Variants in TNKS observed in about 807,000 individuals in gnomAD.
TNKS encodes the protein tankyrase.
A neutral mutation model predicts 135.8 loss-of-function variants in TNKS; 72 were observed. That is an observed-to-expected ratio of 0.53 (90% CI 0.44 to 0.64). The LOEUF (loss-of-function observed/expected upper bound fraction) is 0.64. TNKS is among the 30% of genes least tolerant of loss of function. The probability of loss-of-function intolerance (pLI) is 0.00; values close to 1 mark genes in which losing one functional copy is unlikely to be tolerated. For missense variants in TNKS, 1,769 were observed against 1,674.0 expected (o/e 1.06, Z -0.99); for synonymous variants, 849 against 649.3 (o/e 1.31, Z -4.68).
intron 2 of TNKS, among the ~76,000 whole-genome samples, chr8:9,611,712 T>G (rs1799471089): frequency 6.6e-6 from 1 of 152,190 alleles, no homozygotes; most frequent in African/African-American, 2.4e-5. Flanking sequence ...TAGAAAATAG[T>G]CCCACATAAA....
rs1277211435 is a variant in TNKS, at chr8:9,655,243, G to A, written c.995-24708G>A. ...CTTGAGTAGGTAAACAAAGCAGCCC[G>A]GAAACTCGAACTGGGTGGAGCCCAC... On this transcript the variant is annotated intron_variant, in intron 3 of 26. Transcript: ENST00000310430. Among the ~76,000 whole-genome samples, 6 of 152,314 alleles carry A rather than the reference G, an allele frequency of 3.9e-5. No homozygotes were observed. In the East Asian group the frequency reaches 5.8e-4, roughly 15 times the overall value.
intron 3 of TNKS, among the ~76,000 whole-genome samples, chr8:9,660,372 C>G (rs539172298): frequency 1.8e-4 from 28 of 152,252 alleles, no homozygotes; most frequent in Admixed American, 3.9e-4. Context: ...AGCAACACAT[C>G]AAAAAGCTTA....
intron 1 of TNKS, among the ~76,000 whole-genome samples, chr8:9,579,206 C>A (rs1480807172): frequency 6.6e-6 from 1 of 152,114 alleles, no homozygotes; most frequent in Non-Finnish European, 1.5e-5. Context: ...TATTCCCACT[C>A]ATTTGCCATA....
chr8:9,615,756 T>TG (rs1484914399), intron 3 of TNKS, 79 bp downstream of exon 3: 1 of 1,209,134 alleles, frequency 8.3e-7, no homozygotes, highest in African/African-American at 1.5e-5. Flanking sequence ...TTATGCTGAA[T>TG]TTTTCTTTTC....
At chr8:9,569,153 C>G (rs58946539) in intron 1 of TNKS, among the ~76,000 whole-genome samples, 5,942 of 152,248 alleles carry the variant, frequency 0.039, 284 homozygotes, top group African/African-American at 0.12. Context: ...TCCTTGAAAG[C>G]TCAGATTTTA....
At chr8:9,739,008 T>C (rs1403357232) in intron 17 of TNKS, among the ~76,000 whole-genome samples, 1 of 151,936 alleles carries the variant, frequency 6.6e-6, no homozygotes, top group African/African-American at 2.4e-5. Context: ...GGACTTCATG[T>C]CCAAAACACC....
chr8:9,608,599 C>G lies in TNKS; in HGVS notation c.899-6983C>G, dbSNP rs915321765. ...GGGGTTTTGTCCTGCACAGGTACAG[C>G]CCAGCCCAGCCATGTGATCCCTGGG... is the stretch of plus-strand genomic sequence containing the variant. On this transcript the variant is annotated intron_variant, in intron 2 of 26. Coordinates refer to ENST00000310430, the MANE Select transcript of TNKS (RefSeq NM_003747.3). 5.3e-5 allele frequency among the ~76,000 whole-genome samples: 8 copies of G among 152,156 alleles called. 1 individual carries two copies. The highest frequency in any genetic ancestry group is 5.2e-4 in the Admixed American group (8 of 15,272).
At chr8:9,648,024 A>G (rs1454691504) in intron 3 of TNKS, among the ~76,000 whole-genome samples, 3 of 152,174 alleles carry the variant, frequency 2.0e-5, no homozygotes, top group Admixed American at 6.5e-5. Context: ...CAGTAAAAAT[A>G]TGGTATAAAA....
intron 1 of TNKS, among the ~76,000 whole-genome samples, chr8:9,568,315 T>C (rs1797627148): frequency 6.6e-6 from 1 of 152,184 alleles, no homozygotes; most frequent in African/African-American, 2.4e-5. Context: ...TCGAGAAATA[T>C]GAGCAAGATT....
intron 2 of TNKS, among the ~76,000 whole-genome samples, chr8:9,605,218 T>C (rs972163600): frequency 2.6e-5 from 4 of 152,040 alleles, no homozygotes; most frequent in African/African-American, 9.7e-5. Flanking sequence ...AATGATCTAT[T>C]TTCTGACATT....
At chr8:9,753,605 T>A (rs1806665606) in intron 20 of TNKS, among the ~76,000 whole-genome samples, 1 of 152,224 alleles carries the variant, frequency 6.6e-6, no homozygotes, top group Non-Finnish European at 1.5e-5. Context: ...TATTGAATGA[T>A]GGTAACTCCT....
Position 9,733,977 on chromosome 8 carries a change from A to G in TNKS, c.2313+533A>G, listed in dbSNP as rs571305034. On this transcript the variant is annotated intron_variant, in intron 15 of 26. Coordinates refer to ENST00000310430, the MANE Select transcript of TNKS (RefSeq NM_003747.3). ...AGTTATATGAAACTAACTATAATTT[A>G]TGCTCACTTAAAGTATATTTTTAAA... Among the ~76,000 whole-genome samples, 7 of 152,196 alleles carry G rather than the reference A, an allele frequency of 4.6e-5. No homozygotes were observed. The South Asian group carries it at 1.2e-3, about 27-fold the overall frequency.
intron 3 of TNKS, among the ~76,000 whole-genome samples, chr8:9,669,830 T>C (rs1554465728): frequency 6.6e-6 from 1 of 150,526 alleles, no homozygotes; most frequent in Non-Finnish European, 1.5e-5. Flanking sequence ...CGCAATTTGG[T>C]CAGGAAGAGT....
chr8:9,612,780 A>T (rs929820380), intron 2 of TNKS, among the ~76,000 whole-genome samples: 3 of 152,176 alleles, frequency 2.0e-5, no homozygotes. Flanking sequence ...ATTCGAATGT[A>T]ACTTTCTCCC....
At chr8:9,689,476 GTT>G (rs945368911) in intron 5 of TNKS, among the ~76,000 whole-genome samples, 4 of 151,140 alleles carry the variant, frequency 2.6e-5, no homozygotes, top group African/African-American at 9.7e-5. Flanking sequence ...AATATAAAAT[GTT>G]TTATATTTTG....
chr8:9,657,887 G>A (rs1801487235), intron 3 of TNKS, among the ~76,000 whole-genome samples: 3 of 137,300 alleles, frequency 2.2e-5, no homozygotes, highest in Admixed American at 7.0e-5. Flanking sequence ...TCTCAGACGG[G>A]GTGGTTGCCA....
At chr8:9,745,344 G>C (rs1431257444) in intron 17 of TNKS, among the ~76,000 whole-genome samples, 3 of 152,124 alleles carry the variant, frequency 2.0e-5, no homozygotes, top group Non-Finnish European at 4.4e-5. Flanking sequence ...AAAACATCCT[G>C]TTCTGAGAAG....
Position 9,720,499 on chromosome 8 carries a change from C to T in TNKS, c.1875C>T (p.Phe625=). 1 of 1,614,112 alleles carries T rather than the reference C, an allele frequency of 6.2e-7. No homozygotes were observed. Among genetic ancestry groups the T allele is most frequent in the Non-Finnish European group, 8.5e-7 (1 of 1,179,986 alleles). ...CCTCCATCATCTCCTTACAAGGCTT[C>T]ACAGCAGCACAGATGGGCAATGAAG... is the stretch of plus-strand genomic sequence containing the variant. ...SDPSIISLQG[F]TAAQMGNEAV... The change falls in exon 12 of 27, where the codon TTC becomes TTT. Residue 625 remains phenylalanine (F), a synonymous_variant. Coordinates refer to ENST00000310430, the MANE Select transcript of TNKS (RefSeq NM_003747.3).
chr8:9,719,565 C>A (rs935050986), intron 11 of TNKS, among the ~76,000 whole-genome samples: 1 of 152,134 alleles, frequency 6.6e-6, no homozygotes, highest in Non-Finnish European at 1.5e-5. Context: ...AGGAAGACTT[C>A]TTGGAGATGA....
Sources: allele counts gnomAD v4.1 joint callset (sites outside exome capture counted in the v4.1 genomes callset), GRCh38; gene constraint gnomAD v4.1.1; transcripts MANE v1.5; gene names NCBI Gene and HGNC (gene_info 2026-07-23, HGNC 2026-07-21).